Variants in PTPRT observed in about 807,000 individuals in gnomAD.
PTPRT encodes the protein receptor-type tyrosine-protein phosphatase T.
In PTPRT, 56 loss-of-function variants were observed where a neutral mutation model predicts 176.8. The ratio of observed to expected loss-of-function variants is 0.32; its 90% CI spans 0.26 to 0.40. The LOEUF (loss-of-function observed/expected upper bound fraction) is 0.40, where lower values mean the gene tolerates loss of function less well. Ranked by LOEUF, PTPRT falls within the 10% of genes least tolerant of loss-of-function variation. The probability of loss-of-function intolerance (pLI) is 1.00; values close to 1 mark genes in which losing one functional copy is unlikely to be tolerated. For missense variants in PTPRT, 1,540 were observed against 1,908.2 expected (o/e 0.81, Z 3.60); for synonymous variants, 783 against 739.0 (o/e 1.06, Z -0.96).
intron 2 of PTPRT, among the ~76,000 whole-genome samples, chr20:42,885,551 A>G (rs1234787941): frequency 6.6e-6 from 1 of 152,096 alleles, no homozygotes; most frequent in Admixed American, 6.5e-5. Context: ...AAACCCAGTG[A>G]TACCTACTTG....
intron 6 of PTPRT, among the ~76,000 whole-genome samples, chr20:42,708,805 G>A (rs1248653774): frequency 1.3e-5 from 2 of 152,214 alleles, no homozygotes. Flanking sequence ...AGGGAATACA[G>A]TCTCTAGCAG....
chr20:42,544,608 G>A (rs6072785), intron 7 of PTPRT, among the ~76,000 whole-genome samples: 1 of 151,980 alleles, frequency 6.6e-6, no homozygotes, highest in South Asian at 2.1e-4. Flanking sequence ...TTTGGGTAGA[G>A]GGGACATTTA....
the PTPRT span, chr20:42,063,929 C>G: frequency 6.6e-6 from 1 of 151,986 alleles, no homozygotes; most frequent in African/African-American, 2.4e-5. Context: ...CACTTCAGTT[C>G]TTAAACATTG....
At chr20:42,245,503 GCAA>G (rs1229629145) in intron 14 of PTPRT, among the ~76,000 whole-genome samples, 2 of 151,976 alleles carry the variant, frequency 1.3e-5, no homozygotes, top group Admixed American at 6.6e-5. Flanking sequence ...ACAAAACCAG[GCAA>G]CAACAACAAA....
intron 1 of PTPRT, among the ~76,000 whole-genome samples, chr20:43,025,106 T>C (rs1285468854): frequency 6.6e-6 from 1 of 152,250 alleles, no homozygotes; most frequent in African/African-American, 2.4e-5. Context: ...TGTATCCACT[T>C]ACAGGATAAC....
At chr20:43,031,373 C>T (rs1365095234) in intron 1 of PTPRT, among the ~76,000 whole-genome samples, 1 of 152,188 alleles carries the variant, frequency 6.6e-6, no homozygotes, top group Non-Finnish European at 1.5e-5. Context: ...CAAGTGAAGA[C>T]ACAGCAACAA....
rs145042960 is a variant in PTPRT, at chr20:43,093,746, C to T, written c.88+95900G>A. Among the ~76,000 whole-genome samples the T allele has an allele frequency of 5.9e-3, 902 of 152,302 alleles. 9 individuals carry two copies. The highest frequency in any genetic ancestry group is 0.021 in the African/African-American group (861 of 41,550). ...ACCCCTAACCATGGCCCTGGAGATG[C>T]AGGTGATCTGGCCCCTGTCCCACTC... is the stretch of plus-strand genomic sequence containing the variant. On this transcript the variant is annotated intron_variant, in intron 1 of 30. Coordinates refer to ENST00000373187, the MANE Select transcript of PTPRT (RefSeq NM_007050.6).
chr20:42,680,806 C>T (rs1234862845), intron 6 of PTPRT, among the ~76,000 whole-genome samples: 1 of 152,174 alleles, frequency 6.6e-6, no homozygotes, highest in Admixed American at 6.5e-5. Context: ...AGCTTCTTTT[C>T]ATGTATTTCT....
chr20:42,757,381 T>C (rs2076850015), intron 5 of PTPRT, among the ~76,000 whole-genome samples: 1 of 152,182 alleles, frequency 6.6e-6, no homozygotes, highest in Non-Finnish European at 1.5e-5. Context: ...GGTGCCCTGC[T>C]ACCCCACCCC....
chr20:42,905,752 T>C (rs2145924135), intron 1 of PTPRT, among the ~76,000 whole-genome samples: 1 of 152,068 alleles, frequency 6.6e-6, no homozygotes, highest in East Asian at 1.9e-4. Context: ...AAAGGATGAG[T>C]TCATGTCCTT....
chr20:42,847,342 C>T (rs1387220583), intron 2 of PTPRT, among the ~76,000 whole-genome samples: 1 of 152,100 alleles, frequency 6.6e-6, no homozygotes, highest in Non-Finnish European at 1.5e-5. Flanking sequence ...AGGGAAGGCC[C>T]AGGGAATAAG....
chr20:42,658,806 A>T (rs2075171031), intron 7 of PTPRT, among the ~76,000 whole-genome samples: 1 of 152,220 alleles, frequency 6.6e-6, no homozygotes, highest in South Asian at 2.1e-4. Context: ...CAATTCTATT[A>T]TATATTATTC....
chr20:43,021,154 G>A (rs923308308), intron 1 of PTPRT, among the ~76,000 whole-genome samples: 2 of 152,168 alleles, frequency 1.3e-5, no homozygotes, highest in Non-Finnish European at 2.9e-5. Context: ...AGAATACAGA[G>A]TTAATACCTA....
intron 5 of PTPRT, among the ~76,000 whole-genome samples, chr20:42,770,736 T>A (rs1441404374): frequency 6.6e-6 from 1 of 152,208 alleles, no homozygotes; most frequent in Non-Finnish European, 1.5e-5. Context: ...GACAACCACG[T>A]ACCAAGAACC....
intron 9 of PTPRT, among the ~76,000 whole-genome samples, chr20:42,404,903 G>A (rs1418021123): frequency 6.8e-6 from 1 of 147,122 alleles, no homozygotes; most frequent in Non-Finnish European, 1.5e-5. Context: ...TTTTCCAGTA[G>A]TGAGATTAAT....
intron 2 of PTPRT, among the ~76,000 whole-genome samples, chr20:42,856,271 G>C (rs1383975285): frequency 7.9e-5 from 12 of 152,126 alleles, no homozygotes. Context: ...TGGGAAAATA[G>C]CAAAGGCAAA....
chr20:42,731,488 C>T lies in PTPRT; in HGVS notation c.859+24974G>A, dbSNP rs1328663603. Among the ~76,000 whole-genome samples the T allele has an allele frequency of 5.3e-5, 8 of 152,300 alleles. No individual in the cohort carries two copies. The East Asian group carries it at 1.3e-3, about 26-fold the overall frequency. On this transcript the variant is annotated intron_variant, in intron 6 of 30. Coordinates refer to ENST00000373187, the MANE Select transcript of PTPRT (RefSeq NM_007050.6). Reference sequence around the variant, plus strand: ...ATGCACTACCCATGTACAGCCGCTACATAAATTAGACAGGCCTAAATAAGT... The same window carrying T: ...ATGCACTACCCATGTACAGCCGCTATATAAATTAGACAGGCCTAAATAAGT...
At chr20:42,285,828 A>C (rs1269520027) in intron 12 of PTPRT, among the ~76,000 whole-genome samples, 1 of 152,024 alleles carries the variant, frequency 6.6e-6, no homozygotes, top group Non-Finnish European at 1.5e-5. Context: ...ACTGCTAAGC[A>C]AATTCAGTAA....
chr20:43,053,455 C>T (rs1271117220), intron 1 of PTPRT, among the ~76,000 whole-genome samples: 2 of 152,188 alleles, frequency 1.3e-5, no homozygotes, highest in African/African-American at 4.8e-5. Context: ...CAGCTCCATC[C>T]ACCATCATCC....
Sources: allele counts gnomAD v4.1 joint callset (sites outside exome capture counted in the v4.1 genomes callset), GRCh38; gene constraint gnomAD v4.1.1; transcripts MANE v1.5; gene names NCBI Gene and HGNC (gene_info 2026-07-23, HGNC 2026-07-21).